Variants in KCND2 observed in about 807,000 individuals in gnomAD.
KCND2 encodes A-type voltage-gated potassium channel KCND2.
A neutral mutation model predicts 54.4 loss-of-function variants in KCND2; 16 were observed. That is an observed-to-expected ratio of 0.29 (90% CI 0.20 to 0.45). The LOEUF is 0.45. Ranked by LOEUF, KCND2 falls within the 20% of genes least tolerant of loss-of-function variation. The pLI, the probability that KCND2 is intolerant of heterozygous loss-of-function variation, is 1.00. For missense variants in KCND2, 486 were observed against 824.2 expected (o/e 0.59, Z 5.02); for synonymous variants, 317 against 310.7 (o/e 1.02, Z -0.21).
chr7:120,630,601 T>A (rs1476404997), intron 1 of KCND2, among the ~76,000 whole-genome samples: 2 of 152,112 alleles, frequency 1.3e-5, no homozygotes, highest in East Asian at 3.9e-4. Flanking sequence ...CAAATATCTA[T>A]AATCTATAAT....
chr7:120,300,624 G>A lies in KCND2; in HGVS notation c.1115+24877G>A, dbSNP rs970578260. Among the ~76,000 whole-genome samples, 10 of 152,006 alleles carry A rather than the reference G, an allele frequency of 6.6e-5. 1 individual carries two copies. Among genetic ancestry groups the A allele is most frequent in the African/African-American group, 2.2e-4 (9 of 41,406 alleles). ...TTCTTGATTAAGTTATTTTTATAGC[G>A]ATTGATGCATTATAAAATATTCTCA... On this transcript the variant is annotated intron_variant, in intron 1 of 5. Transcript: ENST00000331113.
intron 1 of KCND2, among the ~76,000 whole-genome samples, chr7:120,367,175 A>G (rs1800698070): frequency 6.6e-6 from 1 of 152,150 alleles, no homozygotes; most frequent in Non-Finnish European, 1.5e-5. Context: ...CCTGGAATCC[A>G]TGGGAGTAAA....
At chr7:120,597,311 A>C (rs979743520) in intron 1 of KCND2, among the ~76,000 whole-genome samples, 1 of 152,186 alleles carries the variant, frequency 6.6e-6, no homozygotes, top group Non-Finnish European at 1.5e-5. Flanking sequence ...TCTAGTCCAA[A>C]CAAAGAATCG....
chr7:120,284,472 A>G (rs1799311716), intron 1 of KCND2, among the ~76,000 whole-genome samples: 1 of 152,144 alleles, frequency 6.6e-6, no homozygotes, highest in South Asian at 2.1e-4. Flanking sequence ...GATTGTATCA[A>G]ATGAGGTGTT....
chr7:120,574,697 C>T (rs1336873706), intron 1 of KCND2, among the ~76,000 whole-genome samples: 2 of 152,128 alleles, frequency 1.3e-5, no homozygotes, highest in Non-Finnish European at 1.5e-5. Flanking sequence ...TTTATAGCTT[C>T]CAGGTAATTC....
At chr7:120,336,794 A>G (rs1428405316) in intron 1 of KCND2, among the ~76,000 whole-genome samples, 1 of 152,152 alleles carries the variant, frequency 6.6e-6, no homozygotes, top group East Asian at 1.9e-4. Flanking sequence ...AAAATCCTCA[A>G]ATAAGTGGAA....
At chr7:120,713,695 A>C (rs2116076684) in intron 1 of KCND2, among the ~76,000 whole-genome samples, 1 of 152,302 alleles carries the variant, frequency 6.6e-6, no homozygotes, top group East Asian at 1.9e-4. Context: ...TCTTTTGCTA[A>C]TCTGCAATTT....
chr7:120,562,187 C>A (rs908200061), intron 1 of KCND2, among the ~76,000 whole-genome samples: 3 of 152,066 alleles, frequency 2.0e-5, no homozygotes, highest in African/African-American at 4.8e-5. Context: ...CCTCAGAGAG[C>A]ATATTGAGTG....
intron 1 of KCND2, among the ~76,000 whole-genome samples, chr7:120,291,683 G>A (rs1291612717): frequency 2.0e-5 from 3 of 151,816 alleles, no homozygotes; most frequent in Non-Finnish European, 2.9e-5. Context: ...CCAAAGACCT[G>A]TGACTTTAAA....
chr7:120,570,310 A>G (rs564100691), intron 1 of KCND2, among the ~76,000 whole-genome samples: 42 of 152,080 alleles, frequency 2.8e-4, no homozygotes, highest in South Asian at 1.5e-3. Context: ...ATTGGAGACA[A>G]TGTTCACTGT....
intron 1 of KCND2, among the ~76,000 whole-genome samples, chr7:120,343,729 A>T (rs182999791): frequency 6.6e-5 from 10 of 152,332 alleles, no homozygotes; most frequent in Middle Eastern, 3.4e-3. Context: ...AGAGGTTTAT[A>T]GCAAATGCAT....
chr7:120,274,902 C>T lies in KCND2; in HGVS notation c.270C>T (p.Asp90=). Residue 90 remains aspartate (D), a synonymous_variant, in exon 1 of 6, where the codon GAC becomes GAT. Coordinates refer to ENST00000331113, the MANE Select transcript of KCND2 (RefSeq NM_012281.3). The part of the protein sequence containing the change: ...TQQYFFDRDP[D]IFRHILNFYR... The stretch of plus-strand genomic sequence containing the variant: ...AGTATTTCTTTGACCGTGACCCAGA[C>T]ATCTTCCGCCACATCCTGAATTTCT... The T allele has an allele frequency of 6.2e-7, 1 of 1,614,156 alleles. No homozygotes were observed. The highest frequency in any genetic ancestry group is 8.5e-7 in the Non-Finnish European group (1 of 1,180,034).
chr7:120,281,577 A>T (rs898315664), intron 1 of KCND2, among the ~76,000 whole-genome samples: 1 of 152,124 alleles, frequency 6.6e-6, no homozygotes, highest in African/African-American at 2.4e-5. Flanking sequence ...AAGCAAGCCT[A>T]CGTCATTTAT....
intron 1 of KCND2, among the ~76,000 whole-genome samples, chr7:120,528,443 T>A (rs538678965): frequency 7.9e-5 from 12 of 152,250 alleles, no homozygotes; most frequent in Non-Finnish European, 1.3e-4. Context: ...ATTAAATCAA[T>A]CCACTTAAAG....
chr7:120,492,781 T>TA (rs1384826397), intron 1 of KCND2, among the ~76,000 whole-genome samples: 1 of 152,086 alleles, frequency 6.6e-6, no homozygotes, highest in African/African-American at 2.4e-5. Flanking sequence ...GTGCCATAAA[T>TA]ATGCTCAGAA....
intron 1 of KCND2, among the ~76,000 whole-genome samples, chr7:120,545,076 A>G (rs1260547743): frequency 1.3e-5 from 2 of 151,936 alleles, no homozygotes; most frequent in African/African-American, 2.4e-5. Flanking sequence ...CTTCTCTTAT[A>G]TATTCAAACA....
intron 1 of KCND2, among the ~76,000 whole-genome samples, chr7:120,351,661 T>C (rs1386990468): frequency 6.6e-6 from 1 of 152,112 alleles, no homozygotes; most frequent in Non-Finnish European, 1.5e-5. Context: ...GGCAGTTGCC[T>C]TCATTGTGTG....
At chr7:120,623,066 A>C (rs925174971) in intron 1 of KCND2, among the ~76,000 whole-genome samples, 3 of 152,186 alleles carry the variant, frequency 2.0e-5, no homozygotes, top group African/African-American at 7.2e-5. Context: ...GTTTAAACAA[A>C]GGTAATAGAC....
chr7:120,464,391 C>G (rs539529837), intron 1 of KCND2, among the ~76,000 whole-genome samples: 24 of 152,196 alleles, frequency 1.6e-4, no homozygotes, highest in African/African-American at 5.5e-4. Flanking sequence ...GTTGAAGAAG[C>G]AGACATATGT....
Sources: gnomAD v4.1 joint callset for allele counts (sites outside exome capture counted in the v4.1 genomes callset) on GRCh38, gnomAD v4.1.1 for gene constraint, MANE v1.5 for transcripts, NCBI Gene and HGNC (gene_info 2026-07-23, HGNC 2026-07-21) for gene names.